Variants in APBA1 observed in about 807,000 individuals in gnomAD.
The protein encoded by APBA1 is amyloid-beta A4 precursor protein-binding family A member 1.
In APBA1, 55 loss-of-function variants were observed where a neutral mutation model predicts 86.6. That is an observed-to-expected ratio of 0.64 (90% CI 0.51 to 0.80). The LOEUF is 0.80. Ranked by LOEUF, APBA1 falls within the 30% of genes least tolerant of loss-of-function variation. APBA1 has a pLI of 0.00. For missense variants in APBA1, 1,090 were observed against 1,183.0 expected, an observed-to-expected ratio of 0.92 and a Z score of 1.15; for synonymous variants, 511 against 493.9, an observed-to-expected ratio of 1.03 and a Z score of -0.46.
intron 1 of APBA1, among the ~76,000 whole-genome samples, chr9:69,635,647 G>A (rs1341176266): frequency 6.6e-6 from 1 of 151,940 alleles, no homozygotes; most frequent in African/African-American, 2.4e-5. Context: ...TAAAGGAATG[G>A]AAAAAGATAC....
At chr9:69,563,249 TAACCAACTTGTCACTTTA>T (rs1836974600) in intron 1 of APBA1, among the ~76,000 whole-genome samples, 1 of 152,230 alleles carries the variant, frequency 6.6e-6, no homozygotes, top group African/African-American at 2.4e-5. Flanking sequence ...AGAATATCCC[TAACCAACTTGTCACTTTA>T]AAAATAACTT....
intron 2 of APBA1, among the ~76,000 whole-genome samples, chr9:69,487,661 G>T (rs1335027605): frequency 2.0e-5 from 3 of 152,036 alleles, no homozygotes; most frequent in African/African-American, 7.2e-5. Context: ...TCGTGAGAGT[G>T]GAGCTGTTTT....
intron 1 of APBA1, among the ~76,000 whole-genome samples, chr9:69,629,859 A>G (rs766330699): frequency 2.6e-5 from 4 of 152,196 alleles, no homozygotes; most frequent in Non-Finnish European, 5.9e-5. Context: ...GATAGTGGAG[A>G]GTTAAGTCAA....
At chr9:69,450,328 T>G (rs1834985253) in intron 9 of APBA1, among the ~76,000 whole-genome samples, 1 of 152,144 alleles carries the variant, frequency 6.6e-6, no homozygotes, top group South Asian at 2.1e-4. Context: ...ACCAAAAGGC[T>G]GGGTGTGCAC....
chr9:69,653,575 T>G (rs984820386), intron 1 of APBA1, among the ~76,000 whole-genome samples: 1 of 152,158 alleles, frequency 6.6e-6, no homozygotes, highest in African/African-American at 2.4e-5. Flanking sequence ...AAACAAATCT[T>G]AAATTTAAAA....
chr9:69,484,485 T>A (rs543122889), intron 2 of APBA1, among the ~76,000 whole-genome samples: 1 of 152,306 alleles, frequency 6.6e-6, no homozygotes, highest in African/African-American at 2.4e-5. Context: ...TGGCACATGC[T>A]TGAGCTCATT....
rs1307130368 is a variant in APBA1, at chr9:69,658,270, T to C, written c.-70+13883A>G. 3.5e-3 allele frequency among the ~76,000 whole-genome samples: 280 copies of C among 79,550 alleles called. 6 individuals carry two copies. Among genetic ancestry groups the C allele is most frequent in the South Asian group, 8.8e-3 (17 of 1,938 alleles). The allele number at this position is 79,550 out of a possible 152,430, so 52.2% of individuals were successfully genotyped here. A position where few individuals can be genotyped will look rare whatever the true frequency, so the allele number is the denominator to read the frequency against. On this transcript the variant is annotated intron_variant, in intron 1 of 12. Coordinates refer to ENST00000265381, the MANE Select transcript of APBA1 (RefSeq NM_001163.4). ...TTTCTTTCTTTCTTTCTTTCTTTCTTTCTTTCTTTCTTTCTCTCTCTCTTT... is the reference window on the plus strand; with the variant it reads ...TTTCTTTCTTTCTTTCTTTCTTTCTCTCTTTCTTTCTTTCTCTCTCTCTTT...
chr9:69,631,702 T>C (rs925463363), intron 1 of APBA1, among the ~76,000 whole-genome samples: 2 of 152,228 alleles, frequency 1.3e-5, no homozygotes, highest in African/African-American at 4.8e-5. Context: ...GTGACACATA[T>C]GCACCATGGA....
At chr9:69,641,351 C>T (rs561513507) in intron 1 of APBA1, among the ~76,000 whole-genome samples, 5 of 152,116 alleles carry the variant, frequency 3.3e-5, no homozygotes, top group Non-Finnish European at 2.9e-5. Context: ...ATAGATTCAA[C>T]ATAATACCAA....
intron 2 of APBA1, among the ~76,000 whole-genome samples, chr9:69,498,053 T>G (rs917911359): frequency 6.6e-6 from 1 of 152,098 alleles, no homozygotes; most frequent in Admixed American, 6.5e-5. Flanking sequence ...TTCAGCCTCT[T>G]GGGTAATCTC....
intron 2 of APBA1, among the ~76,000 whole-genome samples, chr9:69,512,098 A>AAAG (rs1272062642): frequency 4.6e-5 from 7 of 151,916 alleles, no homozygotes; most frequent in Admixed American, 2.6e-4. Flanking sequence ...ATAAATAAAA[A>AAAG]GAAAAAAAGA....
chr9:69,476,150 C>T lies in APBA1; in HGVS notation c.1201-7G>A. ...AGCTGCCAGGAGACGGAGACTAGAA[C>T]ACAGCAAGAGGAAACACAGTGAGAA... On this transcript the variant is annotated splice_polypyrimidine_tract_variant and splice_region_variant and intron_variant, in intron 2 of 12. Coordinates refer to ENST00000265381, the MANE Select transcript of APBA1 (RefSeq NM_001163.4). The T allele has an allele frequency of 6.2e-7, 1 of 1,606,184 alleles. No homozygotes were observed. The highest frequency in any genetic ancestry group is 1.1e-5 in the South Asian group (1 of 90,536).
At chr9:69,533,830 T>C (rs1216356149) in intron 1 of APBA1, among the ~76,000 whole-genome samples, 2 of 152,210 alleles carry the variant, frequency 1.3e-5, no homozygotes, top group Non-Finnish European at 2.9e-5. Context: ...TTCTATATTT[T>C]ACAGAGAAGA....
chr9:69,475,576 C>T (rs745586940), intron 3 of APBA1, among the ~76,000 whole-genome samples: 10 of 152,134 alleles, frequency 6.6e-5, no homozygotes, highest in East Asian at 1.9e-4. Context: ...TCTATTCTTA[C>T]GAAAGATATC....
At chr9:69,531,233 C>G (rs1239838668) in intron 1 of APBA1, among the ~76,000 whole-genome samples, 1 of 152,112 alleles carries the variant, frequency 6.6e-6, no homozygotes, top group Non-Finnish European at 1.5e-5. Context: ...CAGGACAGTT[C>G]TAGTCCTTCC....
intron 2 of APBA1, among the ~76,000 whole-genome samples, chr9:69,502,828 T>A (rs961169448): frequency 1.3e-5 from 2 of 152,184 alleles, no homozygotes; most frequent in African/African-American, 4.8e-5. Context: ...CCTGCTGCTA[T>A]CCTTCCCACA....
chr9:69,516,538 C>G lies in APBA1; in HGVS notation c.673G>C (p.Ala225Pro). ...LYEQERDEAA[A>P]YRQEALGARL... ...GCGCCCAGGGCCTCCTGGCGGTACG[C>G]GGCCGCCTCGTCGCGCTCCTGCTCG... The change falls in exon 2 of 13, where the codon GCG becomes CCG. Residue 225 changes from alanine (A) to proline (P), a missense_variant. By Grantham distance (27) the Ala-to-Pro change is conservative. Coordinates refer to ENST00000265381, the MANE Select transcript of APBA1 (RefSeq NM_001163.4). This position sits in a 1 kb window ranked among gnomAD's most constrained non-coding sequence, Gnocchi z 7.3. 6.3e-7 allele frequency: 1 copy of G among 1,594,638 alleles called. No individual in the cohort carries two copies. Among genetic ancestry groups the G allele is most frequent in the South Asian group, 1.1e-5 (1 of 90,438 alleles).
At chr9:69,500,518 G>A (rs1393037226) in intron 2 of APBA1, among the ~76,000 whole-genome samples, 2 of 152,076 alleles carry the variant, frequency 1.3e-5, no homozygotes, top group African/African-American at 2.4e-5. Flanking sequence ...ACATACGATG[G>A]ACACTCTGAG....
intron 1 of APBA1, among the ~76,000 whole-genome samples, chr9:69,649,792 A>ACCCTCT: frequency 6.6e-6 from 1 of 152,138 alleles, no homozygotes; most frequent in Non-Finnish European, 1.5e-5. Context: ...GTCTGGAGGA[A>ACCCTCT]TAACTCATCT....
Sources: gnomAD v4.1 joint callset for allele counts (sites outside exome capture counted in the v4.1 genomes callset) on GRCh38, gnomAD v4.1.1 for gene constraint, Gnocchi (gnomAD v3.1) non-coding constraint, MANE v1.5 for transcripts, NCBI Gene and HGNC (gene_info 2026-07-23, HGNC 2026-07-21) for gene names.